SOX6: variants seen among roughly 807,000 people sequenced by gnomAD.
SOX6 encodes SRY-box transcription factor 6, also known as transcription factor SOX-6.
Under a neutral mutation model 97.8 loss-of-function variants are expected in SOX6, and 11 were observed. The observed-to-expected ratio is 0.11, with a 90% CI of 0.07 to 0.19. The LOEUF (loss-of-function observed/expected upper bound fraction) is 0.19. Ranked by LOEUF, SOX6 falls within the 10% of genes least tolerant of loss-of-function variation. The probability of loss-of-function intolerance (pLI) is 1.00; values close to 1 mark genes in which losing one functional copy is unlikely to be tolerated. For synonymous variants in SOX6, 360 were observed against 371.4 expected (o/e 0.97, Z 0.35); for missense variants, 810 against 1,039.5 (o/e 0.78, Z 3.04).
At chr11:16,120,542 T>G (rs1291921009) in intron 6 of SOX6, among the ~76,000 whole-genome samples, 1 of 145,788 alleles carries the variant, frequency 6.9e-6, no homozygotes, top group Non-Finnish European at 1.5e-5. Context: ...GTTAAAACAT[T>G]AATAAAGAGC....
intron 1 of SOX6, among the ~76,000 whole-genome samples, chr11:16,376,851 A>T (rs552260696): frequency 6.6e-6 from 1 of 152,194 alleles, no homozygotes; most frequent in African/African-American, 2.4e-5. Context: ...GGACTCACTA[A>T]ATTTAAGAGA....
chr11:16,536,708 C>T (rs1176098049), intron 4 of SOX6, among the ~76,000 whole-genome samples: 1 of 152,232 alleles, frequency 6.6e-6, no homozygotes, highest in East Asian at 1.9e-4. Flanking sequence ...GCTAGCACAG[C>T]AGTCTGAGAT....
chr11:16,305,812 T>C (rs1244125066), intron 3 of SOX6, among the ~76,000 whole-genome samples: 2 of 152,158 alleles, frequency 1.3e-5, no homozygotes, highest in African/African-American at 4.8e-5. Context: ...AAGCTGAGTT[T>C]TTTTTTTTAA....
intron 4 of SOX6, among the ~76,000 whole-genome samples, chr11:16,510,484 C>A (rs2133150907): frequency 6.6e-6 from 1 of 151,934 alleles, no homozygotes; most frequent in South Asian, 2.1e-4. Context: ...TTTTCTTTTT[C>A]CTTTTATAAA....
At chr11:16,112,930 G>C (rs113210863) in intron 6 of SOX6, among the ~76,000 whole-genome samples, 1,620 of 152,174 alleles carry the variant, frequency 0.011, 27 homozygotes, top group African/African-American at 0.037. Context: ...TTATCTTTAA[G>C]TTCAAACAGG....
chr11:16,250,644 T>C (rs1394087084), intron 3 of SOX6, among the ~76,000 whole-genome samples: 7 of 151,980 alleles, frequency 4.6e-5, no homozygotes, highest in South Asian at 2.1e-4. Flanking sequence ...CACATAATAA[T>C]AACAGGAAAA....
At chr11:16,271,577 G>A (rs79656272) in intron 3 of SOX6, among the ~76,000 whole-genome samples, 2,290 of 151,328 alleles carry the variant, frequency 0.015, 70 homozygotes, top group African/African-American at 0.053. Flanking sequence ...CTTTAACAGA[G>A]TCAATTTTGG....
chr11:16,360,836 T>C (rs1857195093), upstream of SOX6, among the ~76,000 whole-genome samples: 1 of 151,966 alleles, frequency 6.6e-6, no homozygotes, highest in South Asian at 2.1e-4. Flanking sequence ...ACCCCGTCTC[T>C]ACTAAAAATA....
intron 1 of SOX6, chr11:16,397,381 T>C (rs1417370062): frequency 6.6e-6 from 1 of 152,012 alleles, no homozygotes; most frequent in Non-Finnish European, 1.5e-5. Flanking sequence ...TTAGACTTAA[T>C]TGTTTAAATA....
At chr11:16,038,564 T>C (rs570141109) in intron 12 of SOX6, among the ~76,000 whole-genome samples, 1 of 152,264 alleles carries the variant, frequency 6.6e-6, no homozygotes, top group East Asian at 1.9e-4. Context: ...GAATATTAAA[T>C]CATTTAATTC....
rs148620909 is a variant in SOX6, at chr11:16,654,913, C to T, written n.430-42653G>A. 4.4e-3 allele frequency among the ~76,000 whole-genome samples: 672 copies of T among 152,308 alleles called. 4 individuals carry two copies. Among genetic ancestry groups the T allele is most frequent in the African/African-American group, 0.016 (650 of 41,572 alleles). ...CCTGCTGAAGGGGCCTTATTCATAT[C>T]TGTCCAAATCACTGTTCCCCTTTTC... On this transcript the variant is annotated intron_variant and non_coding_transcript_variant, in intron 3 of 5. Coordinates refer to the SOX6 transcript ENST00000524520.
chr11:16,352,976 A>C (rs375435297), intron 1 of SOX6, among the ~76,000 whole-genome samples: 15 of 152,172 alleles, frequency 9.9e-5, no homozygotes, highest in African/African-American at 3.1e-4. Flanking sequence ...TTACACAGTA[A>C]TTTTCTAACA....
intron 12 of SOX6, among the ~76,000 whole-genome samples, chr11:16,015,691 T>G (rs1854862836): frequency 1.3e-5 from 2 of 152,008 alleles, no homozygotes; most frequent in Admixed American, 1.3e-4. Flanking sequence ...TTTTACTTGT[T>G]CACCAGTTCT....
chr11:16,215,672 T>G (rs1023525127), intron 4 of SOX6, among the ~76,000 whole-genome samples: 4 of 152,088 alleles, frequency 2.6e-5, no homozygotes, highest in Non-Finnish European at 5.9e-5. Context: ...CATGCTATAC[T>G]AAAGGAGAAG....
intron 2 of SOX6, among the ~76,000 whole-genome samples, chr11:16,733,538 T>G (rs1403820863): frequency 5.5e-5 from 6 of 108,424 alleles, no homozygotes; most frequent in Non-Finnish European, 6.8e-5. Flanking sequence ...TGAGAACACA[T>G]GGACACAGGG....
At chr11:16,116,219 G>T (rs1447851542) in intron 6 of SOX6, among the ~76,000 whole-genome samples, 1 of 152,012 alleles carries the variant, frequency 6.6e-6, no homozygotes, top group Non-Finnish European at 1.5e-5. Context: ...GATGACCACA[G>T]CAGCTAATAT....
intron 12 of SOX6, among the ~76,000 whole-genome samples, chr11:16,046,295 G>A (rs1455725117): frequency 6.6e-6 from 1 of 152,132 alleles, no homozygotes; most frequent in East Asian, 1.9e-4. Context: ...AGGCAGGTAG[G>A]TTGGGAGGCA....
rs937390960 is a variant in SOX6, at chr11:16,231,001, G to A, written c.535+3581C>T. ...GTTAACTGCTTGAGAATAAAATTAA[G>A]TTATATTTCTAGTTGACATTATTCA... On this transcript the variant is annotated intron_variant, in intron 4 of 15. Coordinates refer to ENST00000683767, the MANE Select transcript of SOX6 (RefSeq NM_001367873.1). 1.2e-4 allele frequency among the ~76,000 whole-genome samples: 18 copies of A among 151,718 alleles called. 1 individual carries two copies. The South Asian group carries it at 3.3e-3, about 28-fold the overall frequency.
intron 6 of SOX6, among the ~76,000 whole-genome samples, chr11:16,130,025 C>CA (rs1054951728): frequency 9.2e-5 from 14 of 151,852 alleles, no homozygotes; most frequent in Admixed American, 9.2e-4. Context: ...ATTTTATCTG[C>CA]AAAAAATATA....
Sources: allele counts gnomAD v4.1 joint callset (sites outside exome capture counted in the v4.1 genomes callset), GRCh38; gene constraint gnomAD v4.1.1; transcripts MANE v1.5; gene names NCBI Gene and HGNC (gene_info 2026-07-23, HGNC 2026-07-21).